The following CACNA1C variants were observed in gnomAD, a reference collection of about 807,000 sequenced individuals.
CACNA1C encodes the protein calcium voltage-gated channel subunit alpha1 C, also known as voltage-dependent L-type calcium channel subunit alpha-1C.
Under a neutral mutation model 229.0 loss-of-function variants are expected in CACNA1C, and 30 were observed. The ratio of observed to expected loss-of-function variants is 0.13; its 90% CI spans 0.10 to 0.18. The LOEUF (loss-of-function observed/expected upper bound fraction) is 0.18, where lower values mean the gene tolerates loss of function less well. CACNA1C is among the 10% of genes least tolerant of loss of function. CACNA1C has a pLI of 1.00. For synonymous variants in CACNA1C, 1,114 were observed against 1,132.5 expected, an observed-to-expected ratio of 0.98 and a Z score of 0.33; for missense variants, 1,658 against 2,845.0, an observed-to-expected ratio of 0.58 and a Z score of 9.49.
At chr12:2,670,589 G>T (rs2096509837) in intron 38 of CACNA1C, among the ~76,000 whole-genome samples, 1 of 152,142 alleles carries the variant, frequency 6.6e-6, no homozygotes, top group Admixed American at 6.5e-5. Context: ...GGCCAGGCGT[G>T]CTGGCTCGTG....
At chr12:1,994,487 T>C (rs1007217472) in intron 1 of CACNA1C, among the ~76,000 whole-genome samples, 1 of 152,126 alleles carries the variant, frequency 6.6e-6, no homozygotes, top group African/African-American at 2.4e-5. Context: ...TACAAAGGGG[T>C]AAAGTGGTGG....
chr12:2,350,288 G>A (rs993678076), intron 3 of CACNA1C, among the ~76,000 whole-genome samples: 2 of 152,192 alleles, frequency 1.3e-5, no homozygotes, highest in African/African-American at 4.8e-5. Flanking sequence ...TATCAACACT[G>A]AGTGAGGGGT....
intron 3 of CACNA1C, among the ~76,000 whole-genome samples, chr12:2,440,831 C>T (rs998101424): frequency 6.6e-6 from 1 of 152,222 alleles, no homozygotes; most frequent in Non-Finnish European, 1.5e-5. Context: ...CAGCCTCTTA[C>T]ATTCTCCAAC....
At chr12:2,137,800 G>A (rs1228486937) in intron 3 of CACNA1C, among the ~76,000 whole-genome samples, 1 of 151,210 alleles carries the variant, frequency 6.6e-6, no homozygotes, top group African/African-American at 2.4e-5. Context: ...TTTAGTTCTT[G>A]ACCTTTCCAA....
At position 2,109,160 on chromosome 12, in the gene CACNA1C, CA is replaced by C. The variant is rs1358951969; in HGVS notation, c.50-6062del. Among the ~76,000 whole-genome samples the C allele has an allele frequency of 1.4e-4, 21 of 152,192 alleles. 1 individual carries two copies. The highest frequency in any genetic ancestry group is 3.3e-4 in the Admixed American group (5 of 15,284). ...TTGTGCTCACAGAAGGCACCAAGGC[CA>C]AGCAGGGTGACTGCTGCTGAAGCAG... is the stretch of plus-strand genomic sequence containing the variant. On this transcript the variant is annotated intron_variant, in intron 1 of 46. Transcript: ENST00000399655.
chr12:2,093,170 G>C (rs1040979716), intron 1 of CACNA1C, among the ~76,000 whole-genome samples: 1 of 152,240 alleles, frequency 6.6e-6, no homozygotes, highest in Non-Finnish European at 1.5e-5. Context: ...CCCCTGGCAG[G>C]GCAAAGTTAC....
At chr12:2,221,315 A>C (rs2061416797) in intron 3 of CACNA1C, among the ~76,000 whole-genome samples, 1 of 152,114 alleles carries the variant, frequency 6.6e-6, no homozygotes, top group South Asian at 2.1e-4. Context: ...TGTGGATTAG[A>C]AAAGGGAGTT....
chr12:2,484,799 A>G (rs2099691319), intron 5 of CACNA1C, among the ~76,000 whole-genome samples: 1 of 150,548 alleles, frequency 6.6e-6, no homozygotes, highest in Admixed American at 6.6e-5. Flanking sequence ...TGTGTATACA[A>G]CTTGCTAATT....
chr12:2,093,332 C>T (rs2072212791), intron 1 of CACNA1C, among the ~76,000 whole-genome samples: 1 of 152,196 alleles, frequency 6.6e-6, no homozygotes, highest in Non-Finnish European at 1.5e-5. Flanking sequence ...GGTAGGCCTG[C>T]ACCCTGATGC....
At chr12:2,474,256 T>C (rs2099609196) in intron 5 of CACNA1C, among the ~76,000 whole-genome samples, 1 of 152,188 alleles carries the variant, frequency 6.6e-6, no homozygotes, top group Non-Finnish European at 1.5e-5. Flanking sequence ...GGCCTTATTA[T>C]CAAGTATGTT....
rs1375641545 is a variant in CACNA1C at position 2,467,720 on chromosome 12, T to C, written c.757+10014T>C. Among the ~76,000 whole-genome samples, 1 of 152,032 alleles carries C rather than the reference T, an allele frequency of 6.6e-6. No individual in the cohort carries two copies. The highest frequency in any genetic ancestry group is 6.5e-5 in the Admixed American group (1 of 15,286). On this transcript the variant is annotated intron_variant, in intron 5 of 46. Transcript: ENST00000399655. The surrounding 1 kb of genome is among the most constrained non-coding windows in gnomAD (Gnocchi z 4.6). ...GCCAGGCCCACCCTCTCCCCCGGTGTCTCCTGATCTCCCAGTGTGGACGGT... is the reference window on the plus strand; with the variant it reads ...GCCAGGCCCACCCTCTCCCCCGGTGCCTCCTGATCTCCCAGTGTGGACGGT...
rs772160508 is a variant in CACNA1C, at chr12:2,688,662, C to T, written c.6000C>T (p.Pro2000=). ...IHCGSWAETT[P]GGGGSSAARR... ...GCGGCTCCTGGGCTGAGACCACCCC[C>T]GGTGGCGGGGGCAGCAGCGCCGCCC... The change falls in exon 46 of 47, where the codon CCC becomes CCT. Residue 2000 remains proline, a synonymous_variant. Transcript: ENST00000399655. 29 of 1,613,510 alleles carry T rather than the reference C, an allele frequency of 1.8e-5. No homozygotes were observed. Among genetic ancestry groups the T allele is most frequent in the South Asian group, 9.9e-5 (9 of 91,076 alleles).
At chr12:2,584,448 T>G in intron 15 of CACNA1C, 55 bp from the exon 16 acceptor site, 1 of 1,303,590 alleles carries the variant, frequency 7.7e-7, no homozygotes, top group Non-Finnish European at 1.1e-6. Context: ...CGTGCCCCTG[T>G]GCCCACCAAA....
chr12:2,680,241 G>A, intron 42 of CACNA1C: 1 of 700,566 alleles, frequency 1.4e-6, no homozygotes, highest in South Asian at 2.3e-5. Context: ...ATCCCCTGTG[G>A]GAGGCGCCAT....
rs2061964954 is a variant in CACNA1C at position 2,585,212 on chromosome 12, G to A, written c.2340-164G>A. 6.6e-6 allele frequency among the ~76,000 whole-genome samples: 1 copy of A among 152,188 alleles called. No individual in the cohort carries two copies. The highest frequency in any genetic ancestry group is 2.4e-5 in the African/African-American group (1 of 41,450). On this transcript the variant is annotated intron_variant, in intron 16 of 46. Transcript: ENST00000399655. This position sits in a 1 kb window ranked among gnomAD's most constrained non-coding sequence, Gnocchi z 4.1. Reference sequence around the variant, plus strand: ...TGTAGCTCAGCCCCATAGCACTTGTGACTGAGCTGCACACGAGAAGCGTCC... The same window carrying A: ...TGTAGCTCAGCCCCATAGCACTTGTAACTGAGCTGCACACGAGAAGCGTCC...
At chr12:2,502,123 C>G (rs1024103860) in intron 7 of CACNA1C, among the ~76,000 whole-genome samples, 2 of 152,218 alleles carry the variant, frequency 1.3e-5, no homozygotes, top group African/African-American at 2.4e-5. Context: ...CTGGTGGAAG[C>G]CTTCTGGGAC....
intron 9 of CACNA1C, among the ~76,000 whole-genome samples, chr12:2,525,785 G>A (rs1039145623): frequency 1.3e-5 from 2 of 152,186 alleles, no homozygotes; most frequent in African/African-American, 4.8e-5. Context: ...CAGCTGCAGT[G>A]TTTCCAGAAG....
rs1231759641 is a variant in CACNA1C, at chr12:2,651,290, C to G, written c.3946-350C>G. 1.4e-5 allele frequency: 5 copies of G among 368,416 alleles called. No homozygotes were observed. The highest frequency in any genetic ancestry group is 2.5e-5 in the Non-Finnish European group (5 of 203,178). The allele number at this position is 368,416 out of a possible 1,614,324, so 22.8% of individuals were successfully genotyped here. A position where few individuals can be genotyped will look rare whatever the true frequency, so the allele number is the denominator to read the frequency against. ...TGCAGAGGAGGGGTTCCCAGGGCAG[C>G]TGGCTCTGGGCCTAGAAGATTCCAA... is the stretch of plus-strand genomic sequence containing the variant. On this transcript the variant is annotated intron_variant, in intron 31 of 46. Coordinates refer to ENST00000399655, the MANE Select transcript of CACNA1C (RefSeq NM_000719.7). This position sits in a 1 kb window ranked among gnomAD's most constrained non-coding sequence, Gnocchi z 5.4.
chr12:2,341,766 G>A (rs1432424432), intron 3 of CACNA1C, among the ~76,000 whole-genome samples: 1 of 152,190 alleles, frequency 6.6e-6, no homozygotes, highest in East Asian at 1.9e-4. Context: ...CTCATTCAGG[G>A]GTAACTGACT....
Sources: allele counts gnomAD v4.1 joint callset (sites outside exome capture counted in the v4.1 genomes callset), GRCh38; gene constraint gnomAD v4.1.1; non-coding constraint Gnocchi (gnomAD v3.1); transcripts MANE v1.5; gene names NCBI Gene and HGNC (gene_info 2026-07-23, HGNC 2026-07-21).